Variants in PTPRK observed in about 807,000 individuals in gnomAD.
The protein encoded by PTPRK is protein tyrosine phosphatase receptor type K.
A neutral mutation model predicts 178.0 loss-of-function variants in PTPRK; 75 were observed. The observed-to-expected ratio is 0.42, with a 90% CI of 0.35 to 0.51. The LOEUF is 0.51. PTPRK is among the 20% of genes least tolerant of loss of function. The pLI is 0.02. For missense variants in PTPRK, 1,441 were observed against 1,797.8 expected (o/e 0.80, Z 3.59); for synonymous variants, 637 against 620.6 (o/e 1.03, Z -0.39).
In PTPRK at chr6:128,510,574, C is replaced by T. The variant is rs867075454; in HGVS notation, c.100+9685G>A. Reference sequence around the variant, plus strand: ...TGTCAATATCATTTACCACAGCTTACTTTACCCTTTGCTTTCTATTAAAAA... The same window carrying T: ...TGTCAATATCATTTACCACAGCTTATTTTACCCTTTGCTTTCTATTAAAAA... On this transcript the variant is annotated intron_variant, in intron 1 of 29. Coordinates refer to ENST00000368226, the MANE Select transcript of PTPRK (RefSeq NM_002844.4). 2.1e-4 allele frequency among the ~76,000 whole-genome samples: 32 copies of T among 152,282 alleles called. No individual in the cohort carries two copies. In the Middle Eastern group the frequency reaches 0.017, roughly 81 times the overall value.
At chr6:128,180,926 T>TA (rs1801818484) in intron 7 of PTPRK, among the ~76,000 whole-genome samples, 1 of 152,082 alleles carries the variant, frequency 6.6e-6, no homozygotes, top group African/African-American at 2.4e-5. Flanking sequence ...TTAAGGCCGT[T>TA]AAAAGTCTGA....
intron 3 of PTPRK, among the ~76,000 whole-genome samples, chr6:128,270,666 C>A (rs1819664112): frequency 6.6e-6 from 1 of 152,106 alleles, no homozygotes; most frequent in African/African-American, 2.4e-5. Context: ...ATATATGCGT[C>A]TTTAGATAAT....
At chr6:128,507,070 G>A (rs996989100) in intron 1 of PTPRK, among the ~76,000 whole-genome samples, 2 of 152,008 alleles carry the variant, frequency 1.3e-5, no homozygotes, top group African/African-American at 4.8e-5. Context: ...GAAGGAAAGT[G>A]GTCAGATCAT....
chr6:128,260,797 G>T (rs1356041598), intron 3 of PTPRK, among the ~76,000 whole-genome samples: 1 of 152,096 alleles, frequency 6.6e-6, no homozygotes, highest in Non-Finnish European at 1.5e-5. Context: ...GAACTTTCAT[G>T]TACATTAGAA....
chr6:128,239,946 C>A, intron 5 of PTPRK, 89 bp downstream of exon 5: 1 of 1,012,320 alleles, frequency 9.9e-7, no homozygotes, highest in Non-Finnish European at 1.5e-6. Flanking sequence ...CACACACACA[C>A]TCAAAAGGAT....
At chr6:128,431,732 C>T (rs527723190) in intron 1 of PTPRK, among the ~76,000 whole-genome samples, 12 of 152,250 alleles carry the variant, frequency 7.9e-5, no homozygotes, top group South Asian at 2.1e-4. Flanking sequence ...CTCCTTTAAG[C>T]GCATCCAACG....
rs1809119805 is a variant in PTPRK, at chr6:128,215,561, T to C, written c.868+3361A>G. 2.6e-5 allele frequency among the ~76,000 whole-genome samples: 4 copies of C among 152,180 alleles called. No homozygotes were observed. The South Asian group carries it at 8.3e-4, about 32-fold the overall frequency. The stretch of plus-strand genomic sequence containing the variant: ...TGATCAGGAAGCAATGCTAAAGTCA[T>C]AGCAAAGTAATTTCTGTTTCTCCAT... On this transcript the variant is annotated intron_variant, in intron 6 of 29. Coordinates refer to ENST00000368226, the MANE Select transcript of PTPRK (RefSeq NM_002844.4).
chr6:128,106,253 A>G (rs894853484), intron 7 of PTPRK, among the ~76,000 whole-genome samples: 7 of 152,238 alleles, frequency 4.6e-5, no homozygotes, highest in African/African-American at 1.7e-4. Flanking sequence ...GTCCACTAGC[A>G]TTATCACTTA....
At chr6:128,110,419 C>T (rs1790460144) in intron 7 of PTPRK, among the ~76,000 whole-genome samples, 1 of 152,076 alleles carries the variant, frequency 6.6e-6, no homozygotes, top group Non-Finnish European at 1.5e-5. Context: ...GCCGACGTTT[C>T]ATTTAACAGC....
At chr6:128,454,330 C>G (rs1584792043) in intron 1 of PTPRK, among the ~76,000 whole-genome samples, 2 of 152,132 alleles carry the variant, frequency 1.3e-5, no homozygotes, top group African/African-American at 4.8e-5. Flanking sequence ...TCAGATGCTG[C>G]TAAGCAAACT....
intron 1 of PTPRK, among the ~76,000 whole-genome samples, chr6:128,433,769 G>A (rs900246533): frequency 2.0e-5 from 3 of 150,510 alleles, no homozygotes. Context: ...CTCCTGCCTC[G>A]GCCTCCCAAG....
intron 3 of PTPRK, among the ~76,000 whole-genome samples, chr6:128,293,359 T>C (rs1466509446): frequency 6.6e-6 from 1 of 152,110 alleles, no homozygotes; most frequent in Admixed American, 6.6e-5. Context: ...AGAAATGCTG[T>C]GTTTTCACAT....
intron 1 of PTPRK, among the ~76,000 whole-genome samples, chr6:128,442,740 A>T (rs1473201650): frequency 2.0e-5 from 3 of 152,190 alleles, no homozygotes; most frequent in Admixed American, 2.0e-4. Flanking sequence ...TGCAGCCTCT[A>T]CTATATCCTG....
intron 11 of PTPRK, among the ~76,000 whole-genome samples, chr6:128,068,958 G>A (rs1338480604): frequency 6.6e-6 from 1 of 150,506 alleles, no homozygotes; most frequent in Non-Finnish European, 1.5e-5. Flanking sequence ...AGAGGGGGAG[G>A]GAGAAAGAGA....
chr6:128,128,337 C>A (rs1793697687), intron 7 of PTPRK, among the ~76,000 whole-genome samples: 1 of 152,132 alleles, frequency 6.6e-6, no homozygotes, highest in South Asian at 2.1e-4. Flanking sequence ...TCACCCCACC[C>A]TCCCAGCCTC....
chr6:128,310,156 T>G (rs1229054136), intron 3 of PTPRK, among the ~76,000 whole-genome samples: 2 of 152,190 alleles, frequency 1.3e-5, no homozygotes, highest in Non-Finnish European at 2.9e-5. Flanking sequence ...GGAAGTAGAT[T>G]GTGCCTTCTT....
intron 6 of PTPRK, among the ~76,000 whole-genome samples, chr6:128,200,537 G>A (rs973189477): frequency 6.6e-6 from 1 of 151,682 alleles, no homozygotes; most frequent in South Asian, 2.1e-4. Flanking sequence ...CCAGCCTGGG[G>A]AACACAGCAA....
chr6:128,275,566 G>A (rs2128299500), intron 3 of PTPRK, among the ~76,000 whole-genome samples: 1 of 152,086 alleles, frequency 6.6e-6, no homozygotes, highest in African/African-American at 2.4e-5. Context: ...AATGGTTACA[G>A]TAATGAGAGG....
At chr6:128,109,745 A>G (rs1790329268) in intron 7 of PTPRK, among the ~76,000 whole-genome samples, 2 of 152,212 alleles carry the variant, frequency 1.3e-5, no homozygotes. Context: ...AAACAAGCCC[A>G]GTAACCTCTG....
Sources: gnomAD v4.1 joint callset for allele counts (sites outside exome capture counted in the v4.1 genomes callset) on GRCh38, gnomAD v4.1.1 for gene constraint, MANE v1.5 for transcripts, NCBI Gene and HGNC (gene_info 2026-07-23, HGNC 2026-07-21) for gene names.